ACSL6: variants seen among roughly 807,000 people sequenced by gnomAD.
ACSL6 encodes the protein acyl-CoA synthetase long chain family member 6, also known as long-chain-fatty-acid--CoA ligase 6.
Under a neutral mutation model 98.2 loss-of-function variants are expected in ACSL6, and 47 were observed. That is an observed-to-expected ratio of 0.48 (90% CI 0.38 to 0.61). ACSL6 has a LOEUF of 0.61. Among genes scored for constraint, ACSL6 ranks in the 20% least tolerant of loss-of-function variants. ACSL6 has a pLI of 0.00. For synonymous variants in ACSL6, 362 were observed against 336.9 expected, an observed-to-expected ratio of 1.07 and a Z score of -0.82; for missense variants, 761 against 913.4, an observed-to-expected ratio of 0.83 and a Z score of 2.15.
At chr5:131,988,574 C>T (rs1016743869) in intron 6 of ACSL6, 1 of 1,612,892 alleles carries the variant, frequency 6.2e-7, no homozygotes, top group Non-Finnish European at 8.5e-7. Flanking sequence ...GAGGCTGTTG[C>T]AGAGGCTCCT....
chr5:131,964,798 A>C (rs1300056596), intron 17 of ACSL6, among the ~76,000 whole-genome samples: 1 of 152,170 alleles, frequency 6.6e-6, no homozygotes, highest in Non-Finnish European at 1.5e-5. Flanking sequence ...TTCAGTTGGA[A>C]TTAGTTGCTT....
chr5:131,962,021 A>T (rs1752736366), intron 18 of ACSL6, among the ~76,000 whole-genome samples: 1 of 148,774 alleles, frequency 6.7e-6, no homozygotes, highest in Non-Finnish European at 1.5e-5. Flanking sequence ...ACTAAAAATT[A>T]AAAAAAAAAT....
At chr5:131,971,404 G>C (rs1396218642) in intron 14 of ACSL6, 146 bp downstream of exon 14, 1 of 578,366 alleles carries the variant, frequency 1.7e-6, no homozygotes, top group Non-Finnish European at 2.7e-6. Context: ...CACTGGCTCT[G>C]AGTTTTTTCC....
chr5:131,950,890 G>A lies in ACSL6; in HGVS notation c.*3344C>T, dbSNP rs944205994. The A allele has an allele frequency of 3.2e-5, 6 of 189,120 alleles. No individual in the cohort carries two copies. Among genetic ancestry groups the A allele is most frequent in the Non-Finnish European group, 3.3e-5 (3 of 90,030 alleles). The allele number at this position is 189,120 out of a possible 1,614,324, so 11.7% of individuals were successfully genotyped here. On this transcript the variant is annotated 3_prime_UTR_variant, in exon 21 of 21. Transcript: ENST00000651883. Reference sequence around the variant, plus strand: ...ATACTTGTAGTTTTAACTACATGTAGAATGAAAGCATGACTTGCATAAATG... The same window carrying A: ...ATACTTGTAGTTTTAACTACATGTAAAATGAAAGCATGACTTGCATAAATG...
intron 12 of ACSL6, 97 bp downstream of exon 12, chr5:131,973,169 G>C: frequency 6.8e-7 from 1 of 1,478,142 alleles, no homozygotes; most frequent in Non-Finnish European, 9.2e-7. Flanking sequence ...GGACTTGGCA[G>C]TGGAGGCACT....
At chr5:131,970,060 T>A (rs562129157) in intron 15 of ACSL6, 68 bp downstream of exon 15, 4 of 1,461,098 alleles carry the variant, frequency 2.7e-6, no homozygotes, top group Non-Finnish European at 3.8e-6. Context: ...CATGAGGGAG[T>A]TTTAGAGCTG....
chr5:131,980,773 C>T (rs1377687529), intron 9 of ACSL6, among the ~76,000 whole-genome samples: 2 of 152,152 alleles, frequency 1.3e-5, no homozygotes, highest in Non-Finnish European at 2.9e-5. Flanking sequence ...CATGCTGACT[C>T]CTGTGTCCCT....
At chr5:132,007,330 T>C (rs573680087) in intron 1 of ACSL6, among the ~76,000 whole-genome samples, 1 of 152,374 alleles carries the variant, frequency 6.6e-6, no homozygotes, top group Middle Eastern at 3.4e-3. Flanking sequence ...TTCAACTTCA[T>C]TCAGTCCTAT....
Position 131,976,660 on chromosome 5 carries a change from C to T in ACSL6, c.978G>A (p.Leu326=), listed in dbSNP as rs1443800017. The T allele has an allele frequency of 6.2e-7, 1 of 1,614,142 alleles. No homozygotes were observed. The highest frequency in any genetic ancestry group is 8.5e-7 in the Non-Finnish European group (1 of 1,179,994). Residue 326 remains leucine (L), a synonymous_variant, in exon 10 of 21, where the codon CTG becomes CTA. Coordinates refer to ENST00000651883, the MANE Select transcript of ACSL6 (RefSeq NM_001009185.3). ...CTACTTTATTCACCTCTGTCACTTTCAGAAAGCCTGAGAAATCAGCCACCA... is the reference window on the plus strand; with the variant it reads ...CTACTTTATTCACCTCTGTCACTTTTAGAAAGCCTGAGAAATCAGCCACCA... ...GNVVADFSGF[L]KVTEKVIFPR...
intron 1 of ACSL6, among the ~76,000 whole-genome samples, chr5:132,005,249 C>T (rs1217650172): frequency 6.6e-6 from 1 of 152,240 alleles, no homozygotes; most frequent in Admixed American, 6.5e-5. Context: ...ACGATGAACA[C>T]TGAAGTTCTC....
chr5:131,986,676 G>A, intron 8 of ACSL6, 146 bp downstream of exon 8: 1 of 973,218 alleles, frequency 1.0e-6, no homozygotes, highest in Non-Finnish European at 1.6e-6. Flanking sequence ...CAGAAGTCCT[G>A]GACACTCAAG....
chr5:131,981,331 A>AC (rs1561793320), intron 9 of ACSL6, among the ~76,000 whole-genome samples: 10 of 137,780 alleles, frequency 7.3e-5, no homozygotes, highest in Admixed American at 1.5e-4. Context: ...TTAAAAAAAA[A>AC]AAAAAAAAAA....
chr5:131,992,924 A>G (rs1435353848), intron 2 of ACSL6, among the ~76,000 whole-genome samples: 1 of 152,154 alleles, frequency 6.6e-6, no homozygotes, highest in African/African-American at 2.4e-5. Flanking sequence ...TCTTTTTATT[A>G]CACACTTTAC....
intron 1 of ACSL6, among the ~76,000 whole-genome samples, chr5:132,009,190 T>C (rs536948448): frequency 1.3e-5 from 2 of 152,294 alleles, no homozygotes; most frequent in Admixed American, 6.5e-5. Flanking sequence ...TCCTGGTGCA[T>C]TGCCACACCC....
chr5:131,952,482 G>A lies in ACSL6; in HGVS notation c.*1752C>T, dbSNP rs1421041144. 1 of 215,734 alleles carries A rather than the reference G, an allele frequency of 4.6e-6. No homozygotes were observed. The highest frequency in any genetic ancestry group is 6.9e-5 in the East Asian group (1 of 14,482). 13.4% of individuals were successfully genotyped at this position (215,734 alleles called of 1,614,324 possible). ...AGCATTTATTTTTGCAAACTGCTTG[G>A]CATTCCTCCAAGGGAAAGGAGCTTC... On this transcript the variant is annotated 3_prime_UTR_variant, in exon 21 of 21. Coordinates refer to ENST00000651883, the MANE Select transcript of ACSL6 (RefSeq NM_001009185.3).
rs145627762 is a variant in ACSL6, at chr5:132,008,369, A to C, written c.49+3136T>G. Among the ~76,000 whole-genome samples the C allele has an allele frequency of 4.1e-3, 630 of 152,290 alleles. 4 individuals carry two copies. The highest frequency in any genetic ancestry group is 0.013 in the African/African-American group (547 of 41,560). On this transcript the variant is annotated intron_variant, in intron 1 of 20. Transcript: ENST00000651883. ...GCATCTATAGCCAGGAGCATGCCAAACCATTCTTTAGACGGGCAACTTTGT... is the reference window on the plus strand; with the variant it reads ...GCATCTATAGCCAGGAGCATGCCAACCCATTCTTTAGACGGGCAACTTTGT...
intron 9 of ACSL6, 98 bp downstream of exon 9, chr5:131,985,309 A>G (rs1345584122): frequency 6.7e-7 from 1 of 1,484,098 alleles, no homozygotes; most frequent in Non-Finnish European, 9.3e-7. Flanking sequence ...GGCTCAGCCC[A>G]TTTCAAACAG....
rs990796965 is a variant in ACSL6, at chr5:131,994,617, C to G, written c.50-366G>C. ...GGTGCTCTGTTCTCCTGTGTGACAG[C>G]TGTCATAGCATTTTACTTATCTTTG... On this transcript the variant is annotated intron_variant, in intron 1 of 20. Transcript: ENST00000651883. 32 of 307,574 alleles carry G rather than the reference C, an allele frequency of 1.0e-4. No homozygotes were observed. In the South Asian group the frequency reaches 1.1e-3, roughly 11 times the overall value. The allele number at this position is 307,574 out of a possible 1,614,324, so 19.1% of individuals were successfully genotyped here.
chr5:131,986,956 TACACACACACACATACCCACACACTCAC>T, intron 7 of ACSL6, 102 bp from the exon 8 acceptor site: 1 of 1,066,492 alleles, frequency 9.4e-7, no homozygotes, highest in Non-Finnish European at 1.4e-6. Context: ...CACATACACA[TACACACACACACATACCCACACACTCAC>T]ACACACACAC....
Sources: allele counts gnomAD v4.1 joint callset (sites outside exome capture counted in the v4.1 genomes callset), GRCh38; gene constraint gnomAD v4.1.1; transcripts MANE v1.5; gene names NCBI Gene and HGNC (gene_info 2026-07-23, HGNC 2026-07-21).